Variants in ATP2C2 observed in about 807,000 individuals in gnomAD.
ATP2C2 encodes calcium-transporting ATPase type 2C member 2.
Under a neutral mutation model 110.8 loss-of-function variants are expected in ATP2C2, and 171 were observed. The observed-to-expected ratio is 1.54, with a 90% CI of 1.36 to 1.75. ATP2C2 has a LOEUF of 1.75. ATP2C2 is among the 40% of genes most tolerant of loss of function. ATP2C2 has a pLI of 0.00. For synonymous variants in ATP2C2, 804 were observed against 508.4 expected (o/e 1.58, Z -7.82); for missense variants, 1,963 against 1,235.0 (o/e 1.59, Z -8.84).
chr16:84,459,910 G>A (rs1286513265), intron 23 of ATP2C2: 2 of 282,044 alleles, frequency 7.1e-6, no homozygotes, highest in Non-Finnish European at 1.4e-5. Flanking sequence ...GAGTCCACCC[G>A]CTCCGCCACT....
intron 6 of ATP2C2, among the ~76,000 whole-genome samples, chr16:84,414,917 C>T (rs17741450): frequency 0.43 from 65,175 of 151,726 alleles, 15,039 homozygotes; most frequent in Non-Finnish European, 0.53. Flanking sequence ...CTGCCATATG[C>T]AGGATGGGTT....
rs767857561 is a variant in ATP2C2 at position 84,368,579 on chromosome 16, G to A, written c.-37G>A. The A allele has an allele frequency of 2.3e-5, 34 of 1,487,634 alleles. No individual in the cohort carries two copies. The highest frequency in any genetic ancestry group is 3.6e-4 in the Middle Eastern group (2 of 5,512). 92.2% of individuals were successfully genotyped at this position (1,487,634 alleles called of 1,614,324 possible). A position where few individuals can be genotyped will look rare whatever the true frequency, so the allele number is the denominator to read the frequency against. On this transcript the variant is annotated 5_prime_UTR_variant, in exon 1 of 27. Transcript: ENST00000262429. ...CGCAGCCATCCCGGGCCTCGCCGGG[G>A]ACCTAGGGACGCAGGCAACGCCTGC...
chr16:84,455,601 G>T (rs1245704011), intron 21 of ATP2C2, among the ~76,000 whole-genome samples: 3 of 152,018 alleles, frequency 2.0e-5, no homozygotes, highest in Non-Finnish European at 4.4e-5. Context: ...CTCCTCATAA[G>T]CTAATCGCAG....
Position 84,439,376 on chromosome 16 carries a change from A to C in ATP2C2, c.1112-51A>C. 2.5e-6 allele frequency: 4 copies of C among 1,607,626 alleles called. No individual in the cohort carries two copies. In the South Asian group the frequency reaches 4.4e-5, roughly 18 times the overall value. ...GGGCAATCCAGCCTGGGGGTTTCACAAGCCTGAGGATGGCAACTTCTCTTC... is the reference window on the plus strand; with the variant it reads ...GGGCAATCCAGCCTGGGGGTTTCACCAGCCTGAGGATGGCAACTTCTCTTC... On this transcript the variant is annotated intron_variant, in intron 12 of 26. Transcript: ENST00000262429.
intron 1 of ATP2C2, among the ~76,000 whole-genome samples, chr16:84,380,517 G>A (rs1910513264): frequency 1.3e-5 from 2 of 152,220 alleles, no homozygotes; most frequent in African/African-American, 4.8e-5. Flanking sequence ...GAGGCGGAGG[G>A]AGGAAGGTCC....
intron 2 of ATP2C2, chr16:84,404,809 CTTT>C (rs35653774): frequency 0.012 from 3,154 of 272,760 alleles, no homozygotes; most frequent in Middle Eastern, 0.021. Flanking sequence ...TTCCCAAGAC[CTTT>C]TTTTTTTTTT....
At chr16:84,444,489 A>T (rs1301417903) in intron 15 of ATP2C2, among the ~76,000 whole-genome samples, 3 of 152,112 alleles carry the variant, frequency 2.0e-5, no homozygotes, top group Non-Finnish European at 4.4e-5. Context: ...ACAAACAGAA[A>T]TCATGACATC....
chr16:84,370,447 G>T (rs867693372), intron 1 of ATP2C2, among the ~76,000 whole-genome samples: 75 of 152,322 alleles, frequency 4.9e-4, no homozygotes, highest in African/African-American at 1.5e-3. Flanking sequence ...CCCAGGAAAT[G>T]TGCAAACCCA....
At chr16:84,446,460 C>T (rs1424216607) in intron 16 of ATP2C2, 30 bp downstream of exon 16, 1 of 1,501,950 alleles carries the variant, frequency 6.7e-7, no homozygotes, top group South Asian at 1.3e-5. Flanking sequence ...AACCTCTTCT[C>T]TCTTTCTGCC....
intron 21 of ATP2C2, among the ~76,000 whole-genome samples, chr16:84,458,384 T>C (rs1233327462): frequency 7.5e-6 from 1 of 134,220 alleles, no homozygotes; most frequent in African/African-American, 2.9e-5. Flanking sequence ...TCGGGAGATA[T>C]ACCTAATGCT....
chr16:84,404,211 C>T (rs1357123874), intron 2 of ATP2C2, among the ~76,000 whole-genome samples: 2 of 152,212 alleles, frequency 1.3e-5, no homozygotes, highest in Non-Finnish European at 2.9e-5. Flanking sequence ...ATTCCTTCCC[C>T]CAGATTATAG....
intron 23 of ATP2C2, 116 bp from the exon 24 acceptor site, chr16:84,460,538 T>C (rs774722701): frequency 6.9e-7 from 1 of 1,451,854 alleles, no homozygotes; most frequent in Non-Finnish European, 9.6e-7. Context: ...GTTCAGCAAA[T>C]GCCTGGCCCT....
chr16:84,445,836 G>T lies in ATP2C2; in HGVS notation c.1402-493G>T, dbSNP rs570730604. 1.2e-4 allele frequency among the ~76,000 whole-genome samples: 18 copies of T among 152,336 alleles called. No individual in the cohort carries two copies. In the South Asian group the frequency reaches 3.5e-3, roughly 30 times the overall value. ...CCCCCTGTGGGACAGTGGGATGCATGGGTCATGACTGGTTTACACCTGGGG... is the reference window on the plus strand; with the variant it reads ...CCCCCTGTGGGACAGTGGGATGCATTGGTCATGACTGGTTTACACCTGGGG... On this transcript the variant is annotated intron_variant, in intron 15 of 26. Transcript: ENST00000262429.
intron 20 of ATP2C2, among the ~76,000 whole-genome samples, 160 bp downstream of exon 20, chr16:84,453,531 C>A (rs537058205): frequency 5.3e-5 from 8 of 152,160 alleles, no homozygotes; most frequent in Non-Finnish European, 1.0e-4. Flanking sequence ...CTTTTCATAG[C>A]CAGGGGGAGG....
At chr16:84,450,832 T>C (rs964976424) in intron 17 of ATP2C2, among the ~76,000 whole-genome samples, 1 of 152,064 alleles carries the variant, frequency 6.6e-6, no homozygotes, top group East Asian at 1.9e-4. Context: ...TCTTAACCTC[T>C]GTACCGCGCC....
rs1277977297 is a variant in ATP2C2 at position 84,453,167 on chromosome 16, C to T, written c.1861C>T (p.Leu621=). 6.2e-7 allele frequency: 1 copy of T among 1,613,774 alleles called. No homozygotes were observed. The highest frequency in any genetic ancestry group is 8.5e-7 in the Non-Finnish European group (1 of 1,179,788). The change falls in exon 19 of 27, where the codon CTG becomes TTG. Residue 621 remains leucine, a synonymous_variant. Coordinates refer to ENST00000262429, the MANE Select transcript of ATP2C2 (RefSeq NM_014861.4). Reference sequence around the variant, plus strand: ...AAACATCGGCCTGTGCAACGGGAAGCTGCAAGCCATGTCCGGGGAGGAGGT... The same window carrying T: ...AAACATCGGCCTGTGCAACGGGAAGTTGCAAGCCATGTCCGGGGAGGAGGT... The part of the protein sequence containing the change: ...GRNIGLCNGK[L]QAMSGEEVDS...
intron 24 of ATP2C2, chr16:84,461,205 A>G: frequency 4.0e-6 from 1 of 250,958 alleles, no homozygotes; most frequent in Non-Finnish European, 7.6e-6. Flanking sequence ...CATGGCCTGC[A>G]GGTTCAGGGA....
chr16:84,389,658 C>T (rs1331756868), intron 1 of ATP2C2, among the ~76,000 whole-genome samples: 1 of 151,942 alleles, frequency 6.6e-6, no homozygotes, highest in Non-Finnish European at 1.5e-5. Context: ...CGCTGTCACC[C>T]TAAGGCCCTC....
At chr16:84,446,532 C>G in intron 16 of ATP2C2, 102 bp downstream of exon 16, 1 of 775,522 alleles carries the variant, frequency 1.3e-6, no homozygotes, top group East Asian at 2.9e-5. Context: ...AAGTTCCTGG[C>G]TGCTTCTGTG....
Sources: allele counts gnomAD v4.1 joint callset (sites outside exome capture counted in the v4.1 genomes callset), GRCh38; gene constraint gnomAD v4.1.1; transcripts MANE v1.5; gene names NCBI Gene and HGNC (gene_info 2026-07-23, HGNC 2026-07-21).